The following PTDSS2 variants were observed in gnomAD, a reference collection of about 807,000 sequenced individuals.
The protein encoded by PTDSS2 is phosphatidylserine synthase 2, also known as PSS-2.
PTDSS2 carries 41 observed loss-of-function variants against 64.7 expected under a neutral mutation model. The ratio of observed to expected loss-of-function variants is 0.63; its 90% CI spans 0.49 to 0.82. PTDSS2 has a LOEUF of 0.82. Among genes scored for constraint, PTDSS2 ranks in the 40% least tolerant of loss-of-function variants. The pLI is 0.00. For missense variants in PTDSS2, 485 were observed against 650.0 expected (o/e 0.75, Z 2.76); for synonymous variants, 297 against 277.8 (o/e 1.07, Z -0.69).
chr11:469,283 G>A (rs111163701), intron 2 of PTDSS2, among the ~76,000 whole-genome samples: 5 of 110,852 alleles, frequency 4.5e-5, no homozygotes, highest in East Asian at 6.2e-4. Flanking sequence ...CTGGGTAATC[G>A]GAGGGAGGAG....
intron 2 of PTDSS2, among the ~76,000 whole-genome samples, chr11:471,910 G>T (rs1318673907): frequency 1.4e-5 from 2 of 139,254 alleles, no homozygotes; most frequent in African/African-American, 5.4e-5. Context: ...GGGGTGACGC[G>T]CACCTGTCGG....
rs755378413 is a variant in PTDSS2 at position 490,009 on chromosome 11, G to A, written c.1242G>A (p.Gln414=). 3.1e-6 allele frequency: 5 copies of A among 1,611,998 alleles called. No homozygotes were observed. The highest frequency in any genetic ancestry group is 4.2e-6 in the Non-Finnish European group (5 of 1,179,974). The change falls in exon 11 of 12, where the codon CAG becomes CAA. Residue 414 remains glutamine (Q), a synonymous_variant. Coordinates refer to ENST00000308020, the MANE Select transcript of PTDSS2 (RefSeq NM_030783.3). The part of the protein sequence containing the change: ...LTLSLPFYIS[Q]CWTLGSVLAL... Reference sequence around the variant, plus strand: ...TGTCCCTGCCCTTCTACATCTCCCAGTGCTGGACCCTCGGCTCCGTCCTGG... The same window carrying A: ...TGTCCCTGCCCTTCTACATCTCCCAATGCTGGACCCTCGGCTCCGTCCTGG...
chr11:454,216 C>G (rs960641070), intron 1 of PTDSS2, among the ~76,000 whole-genome samples: 29 of 152,152 alleles, frequency 1.9e-4, no homozygotes, highest in African/African-American at 6.8e-4. Flanking sequence ...GCCTGGTGCC[C>G]TTTCTCTGGG....
At chr11:457,506 A>C (rs878968723) in intron 1 of PTDSS2, among the ~76,000 whole-genome samples, 2 of 152,198 alleles carry the variant, frequency 1.3e-5, no homozygotes, top group East Asian at 3.8e-4. Context: ...TCCTGGCCCA[A>C]AACAGTCCTC....
intron 6 of PTDSS2, among the ~76,000 whole-genome samples, 160 bp from the exon 7 acceptor site, chr11:488,037 CTG>C (rs1193908047): frequency 2.9e-5 from 4 of 136,984 alleles, no homozygotes; most frequent in Non-Finnish European, 6.3e-5. Flanking sequence ...GTCCCATACT[CTG>C]GCTGCCAGCC....
upstream of PTDSS2, among the ~76,000 whole-genome samples, chr11:450,028 G>A (rs1236789961): frequency 6.6e-6 from 1 of 152,212 alleles, no homozygotes; most frequent in Non-Finnish European, 1.5e-5. Flanking sequence ...TCCGGGATCC[G>A]TCGGCGAGGA....
intron 1 of PTDSS2, among the ~76,000 whole-genome samples, chr11:455,548 G>A (rs1231588326): frequency 6.6e-6 from 1 of 152,218 alleles, no homozygotes; most frequent in Non-Finnish European, 1.5e-5. Context: ...GAAGCCCCAG[G>A]ATGAGACTGT....
At chr11:466,268 G>C (rs1222344638) in intron 2 of PTDSS2, among the ~76,000 whole-genome samples, 1 of 152,052 alleles carries the variant, frequency 6.6e-6, no homozygotes, top group Admixed American at 6.5e-5. Context: ...GAGGTTCATC[G>C]ACTCACAGTT....
rs780348403 is a variant in PTDSS2, at chr11:490,538, G to T, written c.1420G>T (p.Gly474Trp). 6.2e-7 allele frequency: 1 copy of T among 1,612,070 alleles called. No individual in the cohort carries two copies. The highest frequency in any genetic ancestry group is 8.5e-7 in the Non-Finnish European group (1 of 1,179,518). Residue 474 changes from glycine (G) to tryptophan (W), a missense_variant, in exon 12 of 12, where the codon GGG (glycine) becomes TGG (tryptophan). Gly to Trp is a radical substitution (Grantham distance 184). This residue lies in a region of PTDSS2 where 219 missense variants were observed against 257.3 expected (regional missense o/e 0.85). Coordinates refer to ENST00000308020, the MANE Select transcript of PTDSS2 (RefSeq NM_030783.3). ...HPLGLDEDLL[G>W]PGVAEGEGAP... is the part of the protein sequence containing the mutation. ...ACTGGGGCTGGACGAAGACCTGCTG[G>T]GGCCTGGGGTGGCCGAGGGCGAGGG...
rs530162818 is a variant in PTDSS2, at chr11:460,987, C to G, written c.284+699C>G. On this transcript the variant is annotated intron_variant, in intron 2 of 11. Transcript: ENST00000308020. The surrounding 1 kb of genome is among the most constrained non-coding windows in gnomAD (Gnocchi z 5.8). ...CTCCTGCCCAGCAAGGCTGCTGACA[C>G]CATCAGGGCCTGGCCCCACTTGCTC... is the stretch of plus-strand genomic sequence containing the variant. 1 of 152,348 alleles carries G rather than the reference C, an allele frequency of 6.6e-6. No homozygotes were observed. The highest frequency in any genetic ancestry group is 2.4e-5 in the African/African-American group (1 of 41,474). The allele number at this position is 152,348 out of a possible 1,614,324, so 9.4% of individuals were successfully genotyped here. A position where few individuals can be genotyped will look rare whatever the true frequency, so the allele number is the denominator to read the frequency against.
In PTDSS2 at chr11:484,639, C is replaced by T. The variant is rs1848214546; in HGVS notation, c.436-2300C>T. The stretch of plus-strand genomic sequence containing the variant: ...CAGGCATCTGTAAACAGTGCATGGG[C>T]ATGTGTGCTCACTGTGTGCACAGGC... On this transcript the variant is annotated intron_variant, in intron 4 of 11. Transcript: ENST00000308020. Among the ~76,000 whole-genome samples, 4 of 149,460 alleles carry T rather than the reference C, an allele frequency of 2.7e-5. No individual in the cohort carries two copies. The South Asian group carries it at 8.5e-4, about 32-fold the overall frequency.
intron 5 of PTDSS2, 83 bp from the exon 6 acceptor site, chr11:487,337 G>A: frequency 5.3e-6 from 7 of 1,315,740 alleles, no homozygotes; most frequent in South Asian, 2.4e-5. Context: ...GGCAGGTGCT[G>A]CTCAGGTGTG....
intron 9 of PTDSS2, 33 bp from the exon 10 acceptor site, chr11:489,555 G>A: frequency 6.2e-7 from 1 of 1,608,710 alleles, no homozygotes. Context: ...CGGGCGGGGG[G>A]CCAGAGCTGG....
rs1301461908 is a variant in PTDSS2, at chr11:488,278, A to G, written c.701A>G (p.Gln234Arg). The stretch of plus-strand genomic sequence containing the variant: ...TTCCTGGAGTACAGCCTGGAGCACC[A>G]GCTGCCCAACTTCAGCGAGTGCTGG... ...FEFLEYSLEHQLPNFSECWWD... is the reference protein window; with the variant it reads ...FEFLEYSLEHRLPNFSECWWD... The change falls in exon 7 of 12, where the codon CAG (glutamine) becomes CGG (arginine). Residue 234 changes from glutamine (Q) to arginine (R), a missense_variant. Transcript: ENST00000308020. 1 of 1,613,322 alleles carries G rather than the reference A, an allele frequency of 6.2e-7. No individual in the cohort carries two copies. Among genetic ancestry groups the G allele is most frequent in the Admixed American group, 1.7e-5 (1 of 60,004 alleles).
Position 487,421 on chromosome 11 carries a change from A to T in PTDSS2, c.572A>T (p.Asp191Val), listed in dbSNP as rs961225467. The T allele has an allele frequency of 1.9e-6, 3 of 1,613,742 alleles. No individual in the cohort carries two copies. The highest frequency in any genetic ancestry group is 2.5e-6 in the Non-Finnish European group (3 of 1,179,912). The change falls in exon 6 of 12, where the codon GAC (aspartate) becomes GTC (valine). Residue 191 changes from aspartate to valine, a missense_variant and splice_region_variant. Around this residue, in one of 3 missense-constraint regions of PTDSS2, gnomAD observed 251 missense variants for 348.0 expected, o/e 0.72. Coordinates refer to ENST00000308020, the MANE Select transcript of PTDSS2 (RefSeq NM_030783.3). The stretch of plus-strand genomic sequence containing the variant: ...AGGGTCATACCCTGTCGCCCACAGG[A>T]CAAGTTGGATGGCTTTGTTCCCGCG... ...NETDPFHNIW[D>V]KLDGFVPAHF...
rs1190622007 is a variant in PTDSS2 at position 450,296 on chromosome 11, C to A, written c.-160C>A. On this transcript the variant is annotated 5_prime_UTR_variant, in exon 1 of 12. Coordinates refer to ENST00000308020, the MANE Select transcript of PTDSS2 (RefSeq NM_030783.3). ...CAAGCCCCACAATGCACCGCACACC[C>A]TTTACTGGCCGGCCCCGCGCTGCTC... 7 of 506,190 alleles carry A rather than the reference C, an allele frequency of 1.4e-5. No individual in the cohort carries two copies. The highest frequency in any genetic ancestry group is 7.6e-5 in the East Asian group (2 of 26,332). The allele number at this position is 506,190 out of a possible 1,614,324, so 31.4% of individuals were successfully genotyped here.
upstream of PTDSS2, among the ~76,000 whole-genome samples, chr11:448,758 G>C (rs1043398489): frequency 6.6e-6 from 1 of 152,234 alleles, no homozygotes; most frequent in Non-Finnish European, 1.5e-5. Context: ...TAGTATGTGA[G>C]TTATATTTCA....
intron 1 of PTDSS2, among the ~76,000 whole-genome samples, chr11:454,188 C>T (rs1846479022): frequency 6.6e-6 from 1 of 152,158 alleles, no homozygotes; most frequent in Non-Finnish European, 1.5e-5. Context: ...GAGATGTGTC[C>T]TCCTGCAGGG....
At position 461,368 on chromosome 11, in the gene PTDSS2, G is replaced by A. The variant is rs1187404268; in HGVS notation, c.284+1080G>A. 1.3e-5 allele frequency among the ~76,000 whole-genome samples: 2 copies of A among 152,114 alleles called. No homozygotes were observed. The highest frequency in any genetic ancestry group is 4.8e-5 in the African/African-American group (2 of 41,406). On this transcript the variant is annotated intron_variant, in intron 2 of 11. Transcript: ENST00000308020. This position sits in a 1 kb window ranked among gnomAD's most constrained non-coding sequence, Gnocchi z 4.2. ...CCCAGTGCCCTGTCTGTAGGGGAGCGGATGCTTTAGAATCACGCACAGCAG... is the reference window on the plus strand; with the variant it reads ...CCCAGTGCCCTGTCTGTAGGGGAGCAGATGCTTTAGAATCACGCACAGCAG...
Sources: gnomAD v4.1 joint callset for allele counts (sites outside exome capture counted in the v4.1 genomes callset) on GRCh38, gnomAD v4.1.1 for gene constraint, gnomAD v4.1.1 regional missense constraint, Gnocchi (gnomAD v3.1) non-coding constraint, MANE v1.5 for transcripts, NCBI Gene and HGNC (gene_info 2026-07-23, HGNC 2026-07-21) for gene names.